The following RFX4 variants were observed in gnomAD, a reference collection of about 807,000 sequenced individuals.
RFX4 encodes regulatory factor X4.
A neutral mutation model predicts 95.0 loss-of-function variants in RFX4; 10 were observed. The observed-to-expected ratio is 0.11, with a 90% CI of 0.06 to 0.18. The LOEUF (loss-of-function observed/expected upper bound fraction) is 0.18. Ranked by LOEUF, RFX4 falls within the 10% of genes least tolerant of loss-of-function variation. RFX4 has a pLI of 1.00. For synonymous variants in RFX4, 321 were observed against 340.7 expected (o/e 0.94, Z 0.64); for missense variants, 640 against 922.0 (o/e 0.69, Z 3.96).
At chr12:106,609,742 GT>G (rs113147940) in intron 2 of RFX4, among the ~76,000 whole-genome samples, 11,809 of 149,378 alleles carry the variant, frequency 0.079, 1,003 homozygotes, top group African/African-American at 0.21. Context: ...GTTTGATGGG[GT>G]TTTTTTTTTC....
intron 3 of RFX4, among the ~76,000 whole-genome samples, chr12:106,646,281 T>G (rs1422445698): frequency 1.3e-5 from 2 of 151,714 alleles, no homozygotes; most frequent in African/African-American, 4.8e-5. Flanking sequence ...GGAGGTAGCT[T>G]CTGGTAGGGG....
intron 13 of RFX4, among the ~76,000 whole-genome samples, chr12:106,726,247 A>G (rs1434067376): frequency 2.3e-5 from 3 of 131,398 alleles, no homozygotes; most frequent in South Asian, 2.4e-4. Context: ...GACTCCATCT[A>G]AAAAAAAAAA....
intron 13 of RFX4, among the ~76,000 whole-genome samples, chr12:106,723,131 C>A (rs2042426856): frequency 6.6e-6 from 1 of 152,190 alleles, no homozygotes; most frequent in Non-Finnish European, 1.5e-5. Flanking sequence ...AGGTAGTTGA[C>A]TCCTTTCTTC....
rs2039399271 is a variant in RFX4 at position 106,583,218 on chromosome 12, C to T, written c.-103C>T. 1.0e-6 allele frequency: 1 copy of T among 973,428 alleles called. No homozygotes were observed. Among genetic ancestry groups the T allele is most frequent in the Non-Finnish European group, 1.5e-6 (1 of 665,752 alleles). 60.3% of individuals were successfully genotyped at this position (973,428 alleles called of 1,614,324 possible). On this transcript the variant is annotated 5_prime_UTR_variant, in exon 1 of 18. Transcript: ENST00000392842. Reference sequence around the variant, plus strand: ...TCACTTTCTGCGTCTCTCTCTCTCCCCTTCTCCCTCCCTCCCTCCCTTCCT... The same window carrying T: ...TCACTTTCTGCGTCTCTCTCTCTCCTCTTCTCCCTCCCTCCCTCCCTTCCT...
intron 15 of RFX4, among the ~76,000 whole-genome samples, chr12:106,735,648 A>C (rs532957241): frequency 2.0e-5 from 3 of 152,302 alleles, no homozygotes; most frequent in African/African-American, 4.8e-5. Flanking sequence ...AAAGCTTTGG[A>C]TCTAGAATCC....
Position 106,747,560 on chromosome 12 carries a change from C to T in RFX4, c.1757C>T (p.Thr586Ile), listed in dbSNP as rs2042918448. The T allele has an allele frequency of 6.2e-7, 1 of 1,613,962 alleles. No homozygotes were observed. Among genetic ancestry groups the T allele is most frequent in the Admixed American group, 1.7e-5 (1 of 59,994 alleles). ...ACTCATGTGCCTTCTTCCTCCGTCA[C>T]ACACAGGATACCAGTTTATCCCCAC... The part of the protein sequence containing the change: ...RNTHVPSSSV[T>I]HRIPVYPHRE... The change falls in exon 16 of 18, where the codon ACA (threonine) becomes ATA (isoleucine). Residue 586 changes from threonine (T) to isoleucine (I), a missense_variant. Around this residue, in one of 7 missense-constraint regions of RFX4, gnomAD observed 300 missense variants for 346.8 expected, o/e 0.87. Coordinates refer to ENST00000392842, the MANE Select transcript of RFX4 (RefSeq NM_213594.3).
chr12:106,752,437 G>T (rs183022364), intron 17 of RFX4, among the ~76,000 whole-genome samples: 46 of 152,180 alleles, frequency 3.0e-4, no homozygotes, highest in African/African-American at 1.1e-3. Flanking sequence ...CACACACCTG[G>T]TCGCTAAACA....
chr12:106,744,345 A>T (rs1259304358), intron 15 of RFX4, among the ~76,000 whole-genome samples: 1 of 152,216 alleles, frequency 6.6e-6, no homozygotes, highest in Non-Finnish European at 1.5e-5. Flanking sequence ...TTATAGAAAA[A>T]CATGTTTAGA....
chr12:106,704,586 C>T (rs2042048776), intron 8 of RFX4, among the ~76,000 whole-genome samples: 1 of 152,142 alleles, frequency 6.6e-6, no homozygotes, highest in Admixed American at 6.5e-5. Context: ...GCACATCTCC[C>T]CACCCCCTAG....
At chr12:106,757,755 G>GT (rs2043136698) in intron 17 of RFX4, among the ~76,000 whole-genome samples, 2 of 152,196 alleles carry the variant, frequency 1.3e-5, no homozygotes, top group South Asian at 4.1e-4. Context: ...AGCTCATTTG[G>GT]TAAGGGGTCA....
chr12:106,638,189 G>A (rs1036803445), intron 2 of RFX4, among the ~76,000 whole-genome samples: 1 of 151,890 alleles, frequency 6.6e-6, no homozygotes, highest in Admixed American at 6.6e-5. Flanking sequence ...TGTATTTTTA[G>A]TACAGACGGG....
intron 15 of RFX4, 50 bp from the exon 16 acceptor site, chr12:106,747,387 A>T (rs760182213): frequency 1.9e-6 from 3 of 1,587,792 alleles, no homozygotes; most frequent in Non-Finnish European, 2.6e-6. Context: ...AGGAAGAACA[A>T]GGGATATGAG....
At chr12:106,719,549 A>T (rs1268903639) in intron 11 of RFX4, among the ~76,000 whole-genome samples, 2 of 152,192 alleles carry the variant, frequency 1.3e-5, no homozygotes, top group Middle Eastern at 3.2e-3. Flanking sequence ...GAAAACCGAT[A>T]ATAAAGTGCT....
chr12:106,626,522 T>A (rs2137249731), intron 2 of RFX4, among the ~76,000 whole-genome samples: 1 of 151,946 alleles, frequency 6.6e-6, no homozygotes, highest in Admixed American at 6.5e-5. Flanking sequence ...AAACAAGGGG[T>A]CTAGAGTTTG....
At position 106,666,159 on chromosome 12, in the gene RFX4, A is replaced by G. The variant is rs562043442; in HGVS notation, c.315+11808A>G. Among the ~76,000 whole-genome samples, 105 of 152,178 alleles carry G rather than the reference A, an allele frequency of 6.9e-4. 1 individual carries two copies. The South Asian group carries it at 0.013, about 19-fold the overall frequency. ...GATAATTTCTAGTGTACAGAAACTT[A>G]GGTTGGTAGGTTTTTTCCTCTCAAT... On this transcript the variant is annotated intron_variant, in intron 4 of 17. Transcript: ENST00000392842.
At chr12:106,709,458 A>C in intron 9 of RFX4, 28 bp downstream of exon 9, 1 of 1,547,034 alleles carries the variant, frequency 6.5e-7, no homozygotes, top group Non-Finnish European at 8.8e-7. Context: ...AGCGGGATGG[A>C]AGAGAGAATT....
intron 10 of RFX4, among the ~76,000 whole-genome samples, chr12:106,713,001 G>A (rs981389063): frequency 1.3e-5 from 2 of 152,150 alleles, no homozygotes; most frequent in Admixed American, 1.3e-4. Context: ...CACAAGCGTA[G>A]GGGCGCACAC....
intron 4 of RFX4, among the ~76,000 whole-genome samples, chr12:106,673,041 G>T (rs1438786390): frequency 1.3e-5 from 2 of 152,124 alleles, no homozygotes; most frequent in Admixed American, 6.5e-5. Context: ...TTAGGTAAAA[G>T]AATTTTCACA....
intron 17 of RFX4, among the ~76,000 whole-genome samples, chr12:106,759,614 T>C (rs1322114858): frequency 6.6e-6 from 1 of 152,148 alleles, no homozygotes; most frequent in African/African-American, 2.4e-5. Flanking sequence ...AACAGCATCC[T>C]GTAGGTTCCC....
Sources: allele counts gnomAD v4.1 joint callset (sites outside exome capture counted in the v4.1 genomes callset), GRCh38; gene constraint gnomAD v4.1.1; regional missense constraint gnomAD v4.1.1; transcripts MANE v1.5; gene names NCBI Gene and HGNC (gene_info 2026-07-23, HGNC 2026-07-21).